Variants in GCA observed in about 807,000 individuals in gnomAD.
GCA encodes the protein grancalcin, also known as grancalcin, EF-hand calcium-binding protein.
Under a neutral mutation model 32.6 loss-of-function variants are expected in GCA, and 30 were observed. The observed-to-expected ratio is 0.92, with a 90% CI of 0.69 to 1.25. The LOEUF (loss-of-function observed/expected upper bound fraction) is 1.25. Among genes scored for constraint, GCA ranks in the 50% most tolerant of loss-of-function variants. The pLI, the probability that GCA is intolerant of heterozygous loss-of-function variation, is 0.00. For missense variants in GCA, 291 were observed against 266.8 expected, an observed-to-expected ratio of 1.09 and a Z score of -0.63; for synonymous variants, 102 against 84.6, an observed-to-expected ratio of 1.21 and a Z score of -1.13.
In GCA at chr2:162,344,242, G is replaced by A. The variant is rs754048627; in HGVS notation, c.-7G>A. On this transcript the variant is annotated 5_prime_UTR_variant, in exon 1 of 8. Transcript: ENST00000437150. ...GGGTGACGCTCGCTCCGCTCGTCCC[G>A]CTCGTCATGGCCTACCCGGGATACG... 1.4e-5 allele frequency: 22 copies of A among 1,613,628 alleles called. No homozygotes were observed. The highest frequency in any genetic ancestry group is 1.8e-5 in the Non-Finnish European group (21 of 1,179,852).
At chr2:162,330,763 C>T (rs1295118261) in intron 1 of GCA, among the ~76,000 whole-genome samples, 3 of 152,138 alleles carry the variant, frequency 2.0e-5, no homozygotes, top group Non-Finnish European at 2.9e-5. Context: ...AGCCTAGGGC[C>T]AACTGAGGAT....
intron 1 of GCA, among the ~76,000 whole-genome samples, chr2:162,326,804 C>T (rs1237282184): frequency 6.6e-6 from 1 of 152,194 alleles, no homozygotes; most frequent in Non-Finnish European, 1.5e-5. Context: ...AGGCATGAGC[C>T]ACCACACCTG....
chr2:162,332,308 C>CAAA (rs1230075576), intron 1 of GCA, among the ~76,000 whole-genome samples: 9 of 111,074 alleles, frequency 8.1e-5, no homozygotes, highest in African/African-American at 3.0e-4. Flanking sequence ...GACTCCATCT[C>CAAA]AAAAAAAAAA....
rs1685588576 is a variant in GCA, at chr2:162,361,923, A to G, written c.*1680A>G. The G allele has an allele frequency of 1.2e-5, 12 of 984,540 alleles. No individual in the cohort carries two copies. The highest frequency in any genetic ancestry group is 4.7e-5 in the South Asian group (1 of 21,292). 61.0% of individuals were successfully genotyped at this position (984,540 alleles called of 1,614,324 possible). ...AGGTTATACAGATGGTCGTTACTGA[A>G]CTATTCTGCGGTCGATTATGATTAT... On this transcript the variant is annotated 3_prime_UTR_variant, in exon 8 of 8. Transcript: ENST00000437150.
chr2:162,375,347 C>G (rs2105390878), downstream of GCA, among the ~76,000 whole-genome samples: 1 of 152,220 alleles, frequency 6.6e-6, no homozygotes, highest in South Asian at 2.1e-4. Context: ...CATATAAATC[C>G]TTTGCCAAAC....
At chr2:162,357,769 A>G (rs930243509) in intron 5 of GCA, among the ~76,000 whole-genome samples, 29 of 151,656 alleles carry the variant, frequency 1.9e-4, no homozygotes, top group Non-Finnish European at 8.9e-5. Flanking sequence ...AATTCAGCCT[A>G]ATGTTGGGAA....
intron 1 of GCA, chr2:162,346,599 A>G (rs1004844178): frequency 1.3e-5 from 2 of 152,212 alleles, no homozygotes; most frequent in Non-Finnish European, 2.9e-5. Context: ...CTGCCAAGCT[A>G]TGAAAAAGTG....
upstream of GCA, among the ~76,000 whole-genome samples, chr2:162,339,729 G>A (rs1419230695): frequency 6.6e-6 from 1 of 152,204 alleles, no homozygotes; most frequent in African/African-American, 2.4e-5. Flanking sequence ...TGAGGACACA[G>A]GGAGAAGGCA....
intron 1 of GCA, among the ~76,000 whole-genome samples, chr2:162,327,446 A>T (rs1683926341): frequency 6.6e-6 from 1 of 152,186 alleles, no homozygotes; most frequent in African/African-American, 2.4e-5. Context: ...CCTCTCACTT[A>T]GTGCAAGTGG....
At chr2:162,345,523 T>C (rs1262764266) in intron 1 of GCA, among the ~76,000 whole-genome samples, 3 of 152,190 alleles carry the variant, frequency 2.0e-5, no homozygotes, top group Non-Finnish European at 4.4e-5. Flanking sequence ...TTCAAATAAT[T>C]TGGTGCTTCC....
chr2:162,362,347 G>A lies in GCA; in HGVS notation c.*2104G>A. ...CTTTACATTAAACAGACAAACTTAT[G>A]TTAACAAAAACATTAGGCCTAGAGA... On this transcript the variant is annotated 3_prime_UTR_variant, in exon 8 of 8. Transcript: ENST00000437150. 1 of 982,690 alleles carries A rather than the reference G, an allele frequency of 1.0e-6. No homozygotes were observed. 60.9% of individuals were successfully genotyped at this position (982,690 alleles called of 1,614,324 possible).
chr2:162,365,395 C>T (rs1293371175), downstream of GCA, among the ~76,000 whole-genome samples: 1 of 151,634 alleles, frequency 6.6e-6, no homozygotes, highest in Non-Finnish European at 1.5e-5. Context: ...GTAGATTACA[C>T]TGTCAATACC....
chr2:162,341,527 T>C (rs1684449892), upstream of GCA, among the ~76,000 whole-genome samples: 1 of 151,954 alleles, frequency 6.6e-6, no homozygotes, highest in South Asian at 2.1e-4. Context: ...CAGAAGAAAT[T>C]CCATAGTTAG....
chr2:162,321,749 A>G (rs1268598482), intron 1 of GCA, among the ~76,000 whole-genome samples: 1 of 151,866 alleles, frequency 6.6e-6, no homozygotes, highest in Non-Finnish European at 1.5e-5. Context: ...ACTGTAACAC[A>G]CTAGCACCAG....
In GCA at chr2:162,352,320, A is replaced by G. The variant is rs1304401571; in HGVS notation, c.193-18A>G. 6.8e-7 allele frequency: 1 copy of G among 1,465,386 alleles called. No individual in the cohort carries two copies. The highest frequency in any genetic ancestry group is 1.1e-5 in the South Asian group (1 of 87,752). The allele number at this position is 1,465,386 out of a possible 1,614,324, so 90.8% of individuals were successfully genotyped here. ...ATACAACTGCACATTAAATTAGGTC[A>G]TAATTATTTTTAAACAGGATGGTGA... On this transcript the variant is annotated intron_variant, in intron 2 of 7. Transcript: ENST00000437150.
At chr2:162,335,996 G>T (rs1684259320) in intron 1 of GCA, among the ~76,000 whole-genome samples, 2 of 152,190 alleles carry the variant, frequency 1.3e-5, no homozygotes, top group Non-Finnish European at 2.9e-5. Flanking sequence ...TCTGACATTG[G>T]TATTAACTTA....
chr2:162,373,476 G>A (rs1558912615), downstream of GCA: 1 of 1,526,336 alleles, frequency 6.6e-7, no homozygotes, highest in Non-Finnish European at 8.8e-7. Context: ...TTACTTGTGA[G>A]GAAGGGCTGA....
chr2:162,333,290 CTATT>C (rs888749458), intron 1 of GCA, among the ~76,000 whole-genome samples: 5 of 152,012 alleles, frequency 3.3e-5, no homozygotes, highest in African/African-American at 9.7e-5. Flanking sequence ...GATGAGACAC[CTATT>C]TATTAAGATC....
chr2:162,349,463 C>T (rs1341301471), intron 2 of GCA, among the ~76,000 whole-genome samples: 1 of 151,842 alleles, frequency 6.6e-6, no homozygotes, highest in African/African-American at 2.4e-5. Flanking sequence ...GAGTGATGAA[C>T]TAAGATAGTT....
Sources: gnomAD v4.1 joint callset for allele counts (sites outside exome capture counted in the v4.1 genomes callset) on GRCh38, gnomAD v4.1.1 for gene constraint, MANE v1.5 for transcripts, NCBI Gene and HGNC (gene_info 2026-07-23, HGNC 2026-07-21) for gene names.